The following MCF2L variants were observed in gnomAD, a reference collection of about 807,000 sequenced individuals.
MCF2L encodes MCF.2 cell line derived transforming sequence like.
Under a neutral mutation model 153.4 loss-of-function variants are expected in MCF2L, and 97 were observed. That is an observed-to-expected ratio of 0.63 (90% CI 0.54 to 0.75). The LOEUF (loss-of-function observed/expected upper bound fraction) is 0.75, where lower values mean the gene tolerates loss of function less well. MCF2L is among the 30% of genes least tolerant of loss of function. The pLI is 0.00. For synonymous variants in MCF2L, 659 were observed against 632.2 expected, an observed-to-expected ratio of 1.04 and a Z score of -0.64; for missense variants, 1,347 against 1,495.2, an observed-to-expected ratio of 0.90 and a Z score of 1.64.
chr13:113,089,667 CCTA>C lies in MCF2L; in HGVS notation c.2893_2895del (p.Leu965del). 1 of 1,613,978 alleles carries C rather than the reference CCTA, an allele frequency of 6.2e-7. No individual in the cohort carries two copies. Among genetic ancestry groups the C allele is most frequent in the Non-Finnish European group, 8.5e-7 (1 of 1,180,008 alleles). On this transcript the variant is annotated inframe_deletion, in exon 26 of 30. Coordinates refer to ENST00000535094, the MANE Select transcript of MCF2L (RefSeq NM_001112732.3). Reference sequence around the variant, plus strand: ...AGCTGGAAGAAAGGAAAACAGACCCCCTAAGCCTGGAGGGATACGTCAGCTCAG... The same window carrying C: ...AGCTGGAAGAAAGGAAAACAGACCCCAGCCTGGAGGGATACGTCAGCTCAG...
intron 2 of MCF2L, chr13:112,909,495 C>A (rs1566631027): frequency 5.4e-6 from 3 of 559,734 alleles, no homozygotes; most frequent in Admixed American, 2.9e-5. Context: ...AAGTCCTACA[C>A]TAGCGCAGAG....
At chr13:113,010,797 G>A (rs577552899) in intron 1 of MCF2L, among the ~76,000 whole-genome samples, 2 of 152,336 alleles carry the variant, frequency 1.3e-5, no homozygotes, top group African/African-American at 4.8e-5. Context: ...GCCTGGCCTT[G>A]GGTGGCACAT....
At chr13:112,981,711 C>A (rs2082434697) in intron 1 of MCF2L, among the ~76,000 whole-genome samples, 2 of 152,218 alleles carry the variant, frequency 1.3e-5, no homozygotes, top group African/African-American at 2.4e-5. Flanking sequence ...GACGCATAGC[C>A]CAGGTGTGGG....
At chr13:113,092,349 G>A (rs1368464816) in intron 26 of MCF2L, among the ~76,000 whole-genome samples, 3 of 152,106 alleles carry the variant, frequency 2.0e-5, no homozygotes, top group Non-Finnish European at 4.4e-5. Context: ...CTGCCCGTGG[G>A]TCATTTCCAC....
intron 4 of MCF2L, among the ~76,000 whole-genome samples, chr13:113,050,066 TAGGC>T (rs2087110999): frequency 6.6e-6 from 1 of 152,116 alleles, no homozygotes; most frequent in African/African-American, 2.4e-5. Flanking sequence ...TCTTCTCCCT[TAGGC>T]AGTTGTGCGG....
chr13:112,913,183 A>T (rs1487036070), intron 2 of MCF2L, among the ~76,000 whole-genome samples: 79 of 66,854 alleles, frequency 1.2e-3, no homozygotes, highest in East Asian at 1.9e-3. Context: ...TGTCTGTGTG[A>T]TTGTGTGTGT....
At chr13:113,007,311 C>T (rs1466055988) in intron 1 of MCF2L, among the ~76,000 whole-genome samples, 2 of 152,250 alleles carry the variant, frequency 1.3e-5, no homozygotes, top group East Asian at 3.9e-4. Flanking sequence ...GGCAAGTGCC[C>T]CCCTGCATGA....
chr13:112,961,103 A>ACC (rs1361427783), intron 2 of MCF2L, among the ~76,000 whole-genome samples: 495 of 22,710 alleles, frequency 0.022, 2 homozygotes, highest in African/African-American at 0.076. Context: ...TCCACGTTGC[A>ACC]TCTGCTATGC....
At chr13:113,032,337 G>A (rs777749030) in intron 3 of MCF2L, among the ~76,000 whole-genome samples, 1 of 152,136 alleles carries the variant, frequency 6.6e-6, no homozygotes, top group East Asian at 1.9e-4. Context: ...GTGTGTGAGC[G>A]TGCTAAACAA....
In MCF2L at chr13:113,074,464, A is replaced by C; in HGVS notation, c.1017A>C (p.Ala339=). 1 of 1,613,900 alleles carries C rather than the reference A, an allele frequency of 6.2e-7. No individual in the cohort carries two copies. The highest frequency in any genetic ancestry group is 8.5e-7 in the Non-Finnish European group (1 of 1,179,872). Residue 339 remains alanine, a synonymous_variant, in exon 10 of 30, where the codon GCA becomes GCC. Transcript: ENST00000535094. This position sits in a 1 kb window ranked among gnomAD's most constrained non-coding sequence, Gnocchi z 4.2. The stretch of plus-strand genomic sequence containing the variant: ...TCCAGGTCAAAGCCATCTTGGACGC[A>C]GCGTCCCAGAAGATAGCAACCTTCA... ...GFREVKAILD[A]ASQKIATFTD... is the part of the protein sequence containing the mutation.
In MCF2L at chr13:113,095,420, C is replaced by T. The variant is rs74115800; in HGVS notation, c.3075+785C>T. On this transcript the variant is annotated intron_variant, in intron 27 of 29. Coordinates refer to ENST00000535094, the MANE Select transcript of MCF2L (RefSeq NM_001112732.3). ...AGAACAGATGTGGGGGACACAGAGGCGGAGGCCACGTGGCAGGAGGGGAAA... is the reference window on the plus strand; with the variant it reads ...AGAACAGATGTGGGGGACACAGAGGTGGAGGCCACGTGGCAGGAGGGGAAA... 1.1e-3 allele frequency: 1,139 copies of T among 1,079,820 alleles called. 6 individuals are homozygous for T. The African/African-American group carries it at 0.017, about 16-fold the overall frequency. 66.9% of individuals were successfully genotyped at this position (1,079,820 alleles called of 1,614,324 possible).
At chr13:113,025,527 G>A (rs866335937) in intron 3 of MCF2L, among the ~76,000 whole-genome samples, 1 of 50,722 alleles carries the variant, frequency 2.0e-5, no homozygotes, top group African/African-American at 8.0e-5. Flanking sequence ...TTTCATCATC[G>A]TGGGGTCCCC....
chr13:113,026,802 T>C (rs1204973406), intron 3 of MCF2L: 3 of 607,926 alleles, frequency 4.9e-6, no homozygotes, highest in Non-Finnish European at 8.9e-6. Flanking sequence ...GTTTTTTGTT[T>C]TGTTCCAGAC....
chr13:113,032,231 C>T (rs1473970878), intron 3 of MCF2L, among the ~76,000 whole-genome samples: 1 of 152,212 alleles, frequency 6.6e-6, no homozygotes, highest in Non-Finnish European at 1.5e-5. Flanking sequence ...AGCTGGACCC[C>T]AGCCCTTGGA....
intron 5 of MCF2L, chr13:113,063,750 C>A (rs1040557187): frequency 6.9e-6 from 3 of 432,172 alleles, no homozygotes; most frequent in African/African-American, 4.0e-5. Flanking sequence ...TGTTCTCCCT[C>A]ATGTCTCCTT....
At chr13:113,018,807 G>A (rs773234857) in intron 2 of MCF2L, among the ~76,000 whole-genome samples, 5 of 152,340 alleles carry the variant, frequency 3.3e-5, no homozygotes, top group East Asian at 1.9e-4. Flanking sequence ...AGAGGCCACC[G>A]CCACTGTGCG....
In MCF2L at chr13:113,084,998, C is replaced by T; in HGVS notation, c.2154+14C>T. On this transcript the variant is annotated intron_variant, in intron 19 of 29. Coordinates refer to ENST00000535094, the MANE Select transcript of MCF2L (RefSeq NM_001112732.3). The stretch of plus-strand genomic sequence containing the variant: ...CCGTTTTTCCAGGTTTGTCCCCGGA[C>T]CTTCCTTTAGAACGTTACTCCCTTT... The T allele has an allele frequency of 6.2e-7, 1 of 1,613,360 alleles. No individual in the cohort carries two copies. The highest frequency in any genetic ancestry group is 1.1e-5 in the South Asian group (1 of 91,082).
rs145331240 is a variant in MCF2L at position 112,992,315 on chromosome 13, G to T, written c.80-22448G>T. Reference sequence around the variant, plus strand: ...GATATGGGATACCCAGCCTGTAGGAGATACTTGGCCATGTTTAGTGGGAGC... The same window carrying T: ...GATATGGGATACCCAGCCTGTAGGATATACTTGGCCATGTTTAGTGGGAGC... On this transcript the variant is annotated intron_variant, in intron 1 of 29. Coordinates refer to ENST00000535094, the MANE Select transcript of MCF2L (RefSeq NM_001112732.3). Among the ~76,000 whole-genome samples, 675 of 152,312 alleles carry T rather than the reference G, an allele frequency of 4.4e-3. 4 individuals are homozygous for T. The highest frequency in any genetic ancestry group is 0.016 in the African/African-American group (657 of 41,556).
rs2032817200 is a variant in MCF2L at position 113,070,628 on chromosome 13, T to TCCCAGTCCACC, written c.996+457_996+458insCAGTCCACCCC. On this transcript the variant is annotated intron_variant, in intron 9 of 29. Coordinates refer to ENST00000535094, the MANE Select transcript of MCF2L (RefSeq NM_001112732.3). This position sits in a 1 kb window ranked among gnomAD's most constrained non-coding sequence, Gnocchi z 5.6. ...CCCTTCGTGGACTCACCCATGTCCC[T>TCCCAGTCCACC]CCTCAGCCCCCGGCAACCACTCATC... Among the ~76,000 whole-genome samples, 1 of 152,094 alleles carries TCCCAGTCCACC rather than the reference T, an allele frequency of 6.6e-6. No homozygotes were observed. The highest frequency in any genetic ancestry group is 2.4e-5 in the African/African-American group (1 of 41,398).
Sources: allele counts gnomAD v4.1 joint callset (sites outside exome capture counted in the v4.1 genomes callset), GRCh38; gene constraint gnomAD v4.1.1; non-coding constraint Gnocchi (gnomAD v3.1); transcripts MANE v1.5; gene names NCBI Gene and HGNC (gene_info 2026-07-23, HGNC 2026-07-21).